SORCS3: variants seen among roughly 807,000 people sequenced by gnomAD.
SORCS3 encodes the protein sortilin related VPS10 domain containing receptor 3.
SORCS3 carries 57 observed loss-of-function variants against 146.3 expected under a neutral mutation model. The observed-to-expected ratio is 0.39, with a 90% CI of 0.31 to 0.49. The LOEUF is 0.49. SORCS3 is among the 20% of genes least tolerant of loss of function. The pLI is 0.92. For synonymous variants in SORCS3, 653 were observed against 618.5 expected (o/e 1.06, Z -0.83); for missense variants, 1,341 against 1,575.5 (o/e 0.85, Z 2.52).
chr10:104,819,933 G>A (rs991506642), intron 1 of SORCS3, among the ~76,000 whole-genome samples: 3 of 152,164 alleles, frequency 2.0e-5, no homozygotes, highest in Admixed American at 6.5e-5. Flanking sequence ...CAAACCTGCC[G>A]TTTATTGTGT....
At chr10:105,173,380 TC>T (rs1355906971) in intron 13 of SORCS3, among the ~76,000 whole-genome samples, 2 of 152,046 alleles carry the variant, frequency 1.3e-5, no homozygotes, top group South Asian at 4.2e-4. Context: ...TCTTCTAATT[TC>T]CCCCTCAATT....
At chr10:105,245,064 G>A (rs1192322332) in intron 20 of SORCS3, among the ~76,000 whole-genome samples, 1 of 91,416 alleles carries the variant, frequency 1.1e-5, no homozygotes, top group Non-Finnish European at 2.2e-5. Flanking sequence ...GCAAGACTCT[G>A]TCAAAAAAAA....
intron 1 of SORCS3, among the ~76,000 whole-genome samples, chr10:104,783,504 C>T (rs192447034): frequency 1.3e-5 from 2 of 152,172 alleles, no homozygotes; most frequent in Admixed American, 6.5e-5. Context: ...GGGACCGAGG[C>T]GGGTGGATCA....
chr10:105,091,358 T>TCCTCCCTC (rs1361116083), intron 6 of SORCS3, among the ~76,000 whole-genome samples: 1 of 60,468 alleles, frequency 1.7e-5, no homozygotes, highest in Non-Finnish European at 3.4e-5. Context: ...CTTCCTTCCT[T>TCCTCCCTC]CCTCCCTCCC....
chr10:104,739,325 A>C (rs976067299), intron 1 of SORCS3, among the ~76,000 whole-genome samples: 1 of 152,162 alleles, frequency 6.6e-6, no homozygotes, highest in Admixed American at 6.5e-5. Flanking sequence ...GGTCAGGCAA[A>C]TGGGTCAATT....
At chr10:105,122,247 TA>T (rs1242966097) in intron 7 of SORCS3, among the ~76,000 whole-genome samples, 2 of 152,358 alleles carry the variant, frequency 1.3e-5, no homozygotes, top group Admixed American at 6.5e-5. Flanking sequence ...GTTTCAGCTT[TA>T]AAAAATTTTA....
intron 3 of SORCS3, among the ~76,000 whole-genome samples, chr10:104,932,202 T>G (rs1170402207): frequency 6.6e-6 from 1 of 152,224 alleles, no homozygotes; most frequent in African/African-American, 2.4e-5. Context: ...ATTAATAGTT[T>G]CTACAGAACC....
intron 1 of SORCS3, among the ~76,000 whole-genome samples, chr10:104,699,276 G>A (rs913726700): frequency 6.6e-6 from 1 of 152,132 alleles, no homozygotes; most frequent in Non-Finnish European, 1.5e-5. Context: ...ATCCACATGT[G>A]ACATGTTTGC....
intron 18 of SORCS3, among the ~76,000 whole-genome samples, 178 bp from the exon 19 acceptor site, chr10:105,216,758 G>T (rs2056667378): frequency 6.6e-6 from 1 of 152,146 alleles, no homozygotes; most frequent in Non-Finnish European, 1.5e-5. Flanking sequence ...GGTCCATAGT[G>T]CCTGCCCGTA....
rs1419256625 is a variant in SORCS3 at position 105,223,328 on chromosome 10, G to A, written c.2868+79G>A. ...TTCCAGCTTTTATGTGTCTATTAGG[G>A]GGCACTGAGAATGCAGGCAATAAGA... is the stretch of plus-strand genomic sequence containing the variant. On this transcript the variant is annotated intron_variant, in intron 20 of 26. Coordinates refer to ENST00000369701, the MANE Select transcript of SORCS3 (RefSeq NM_014978.3). 5.0e-6 allele frequency: 7 copies of A among 1,392,416 alleles called. No individual in the cohort carries two copies. The Admixed American group carries it at 9.5e-5, about 19-fold the overall frequency. 86.3% of individuals were successfully genotyped at this position (1,392,416 alleles called of 1,614,324 possible).
At chr10:105,150,131 T>C (rs544692712) in intron 9 of SORCS3, among the ~76,000 whole-genome samples, 1 of 152,180 alleles carries the variant, frequency 6.6e-6, no homozygotes, top group African/African-American at 2.4e-5. Flanking sequence ...CAATCTAGTT[T>C]GTTGGGTTTT....
At chr10:104,943,167 T>C (rs1363748443) in intron 3 of SORCS3, among the ~76,000 whole-genome samples, 1 of 152,160 alleles carries the variant, frequency 6.6e-6, no homozygotes, top group African/African-American at 2.4e-5. Context: ...TTTTGCTCTG[T>C]TGCCCAGGCT....
At chr10:104,966,652 G>A (rs1436593055) in intron 3 of SORCS3, among the ~76,000 whole-genome samples, 3 of 152,100 alleles carry the variant, frequency 2.0e-5, no homozygotes, top group Non-Finnish European at 4.4e-5. Context: ...ACTGCACAAA[G>A]GAAATAGAAT....
chr10:105,213,043 C>G (rs2056643327), intron 17 of SORCS3, among the ~76,000 whole-genome samples: 1 of 152,136 alleles, frequency 6.6e-6, no homozygotes, highest in African/African-American at 2.4e-5. Flanking sequence ...TTTCAACTGT[C>G]ACACTAATGA....
chr10:104,791,231 G>C (rs1197201705), intron 1 of SORCS3, among the ~76,000 whole-genome samples: 2 of 152,238 alleles, frequency 1.3e-5, no homozygotes, highest in Non-Finnish European at 2.9e-5. Flanking sequence ...TGGGAGGCTA[G>C]ATCTTGGGGC....
chr10:105,051,652 G>A lies in SORCS3; in HGVS notation c.1028+8524G>A, dbSNP rs74155102. On this transcript the variant is annotated intron_variant, in intron 5 of 26. Coordinates refer to ENST00000369701, the MANE Select transcript of SORCS3 (RefSeq NM_014978.3). ...TCAAACAAAGTTAACATTATGGGCT[G>A]AATTTTTGAAGCTGCCTCTAAATGT... 2.1e-3 allele frequency among the ~76,000 whole-genome samples: 317 copies of A among 152,160 alleles called. 1 individual carries two copies. Among genetic ancestry groups the A allele is most frequent in the African/African-American group, 7.2e-3 (300 of 41,534 alleles).
intron 2 of SORCS3, among the ~76,000 whole-genome samples, chr10:104,856,187 C>T (rs1241591660): frequency 6.6e-6 from 1 of 152,064 alleles, no homozygotes; most frequent in Non-Finnish European, 1.5e-5. Context: ...ATGAGACCTA[C>T]TGTGTACAAT....
At chr10:104,833,542 A>G (rs1263003294) in intron 1 of SORCS3, among the ~76,000 whole-genome samples, 2 of 152,120 alleles carry the variant, frequency 1.3e-5, no homozygotes, top group South Asian at 2.1e-4. Flanking sequence ...CTGATGCTTG[A>G]AAGTCTCTAT....
intron 1 of SORCS3, among the ~76,000 whole-genome samples, chr10:104,716,485 C>A (rs1021986640): frequency 6.6e-6 from 1 of 151,310 alleles, no homozygotes; most frequent in African/African-American, 2.4e-5. Flanking sequence ...TTCCTGATGC[C>A]AATGCTCACA....
Sources: allele counts gnomAD v4.1 joint callset (sites outside exome capture counted in the v4.1 genomes callset), GRCh38; gene constraint gnomAD v4.1.1; transcripts MANE v1.5; gene names NCBI Gene and HGNC (gene_info 2026-07-23, HGNC 2026-07-21).